PRKCE: variants seen among roughly 807,000 people sequenced by gnomAD.
PRKCE encodes protein kinase C epsilon type.
A neutral mutation model predicts 85.4 loss-of-function variants in PRKCE; 16 were observed. The observed-to-expected ratio is 0.19, with a 90% CI of 0.13 to 0.28. The LOEUF is 0.28. Ranked by LOEUF, PRKCE falls within the 10% of genes least tolerant of loss-of-function variation. PRKCE has a pLI of 1.00. For missense variants in PRKCE, 573 were observed against 975.2 expected (o/e 0.59, Z 5.49); for synonymous variants, 388 against 371.5 (o/e 1.04, Z -0.51).
chr2:45,973,548 C>G, intron 2 of PRKCE, among the ~76,000 whole-genome samples: 1 of 152,198 alleles, frequency 6.6e-6, no homozygotes, highest in East Asian at 1.9e-4. Context: ...GGAAGTTGAA[C>G]TTAGAACTCT....
chr2:45,652,165 C>A lies in PRKCE; in HGVS notation c.65C>A (p.Ala22Asp). The part of the protein sequence containing the change: ...ICEAVSLKPT[A>D]WSLRHAVGPR... Reference sequence around the variant, plus strand: ...GAGGCCGTGAGCTTGAAGCCCACAGCCTGGTCGCTGCGCCATGCGGTGGGA... The same window carrying A: ...GAGGCCGTGAGCTTGAAGCCCACAGACTGGTCGCTGCGCCATGCGGTGGGA... The change falls in exon 1 of 15, where the codon GCC becomes GAC. Residue 22 changes from alanine to aspartate, a missense_variant. Ala to Asp is a moderately radical substitution (Grantham distance 126). Around this residue, in one of 11 missense-constraint regions of PRKCE, gnomAD observed 100 missense variants for 177.1 expected, o/e 0.56. Transcript: ENST00000306156. The surrounding 1 kb of genome is among the most constrained non-coding windows in gnomAD (Gnocchi z 7.7). 1 of 1,611,770 alleles carries A rather than the reference C, an allele frequency of 6.2e-7. No individual in the cohort carries two copies.
At chr2:45,891,867 A>C (rs142536259) in intron 2 of PRKCE, among the ~76,000 whole-genome samples, 4 of 152,198 alleles carry the variant, frequency 2.6e-5, no homozygotes, top group African/African-American at 9.7e-5. Context: ...CCTCACTGTC[A>C]GGTGCCTCAG....
At chr2:45,950,282 T>G (rs1416394470) in intron 2 of PRKCE, among the ~76,000 whole-genome samples, 2 of 152,256 alleles carry the variant, frequency 1.3e-5, no homozygotes, top group African/African-American at 4.8e-5. Context: ...AATGAATGCT[T>G]AGTTTTAACA....
chr2:46,038,064 G>A (rs1707982955), intron 10 of PRKCE, among the ~76,000 whole-genome samples: 1 of 152,168 alleles, frequency 6.6e-6, no homozygotes, highest in Non-Finnish European at 1.5e-5. Context: ...CCTCTGTCCT[G>A]TCTTGCATCT....
At chr2:45,973,636 C>A (rs1702249601) in intron 2 of PRKCE, among the ~76,000 whole-genome samples, 1 of 152,218 alleles carries the variant, frequency 6.6e-6, no homozygotes, top group Non-Finnish European at 1.5e-5. Flanking sequence ...CAACTTTAAA[C>A]AGCTTCCCTC....
At chr2:46,008,921 TAA>T (rs1392442311) in intron 9 of PRKCE, among the ~76,000 whole-genome samples, 1 of 152,198 alleles carries the variant, frequency 6.6e-6, no homozygotes, top group African/African-American at 2.4e-5. Flanking sequence ...GAGCCAGTTT[TAA>T]AGAGTCTGTA....
chr2:45,823,239 G>T (rs1011991600), intron 1 of PRKCE, among the ~76,000 whole-genome samples: 2 of 152,190 alleles, frequency 1.3e-5, no homozygotes, highest in African/African-American at 4.8e-5. Context: ...GTTTGTCCTC[G>T]AGGACCACAG....
chr2:46,091,330 C>G (rs998200490), intron 11 of PRKCE, among the ~76,000 whole-genome samples: 1 of 152,222 alleles, frequency 6.6e-6, no homozygotes, highest in African/African-American at 2.4e-5. Flanking sequence ...GAAATTCCTC[C>G]TCCTCAACAT....
chr2:46,014,288 T>C (rs1385279598), intron 10 of PRKCE, among the ~76,000 whole-genome samples: 4 of 152,140 alleles, frequency 2.6e-5, no homozygotes, highest in African/African-American at 9.7e-5. Context: ...TGTCAAAATA[T>C]AAAGTACAGA....
chr2:45,821,806 G>T (rs755186056), intron 1 of PRKCE, among the ~76,000 whole-genome samples: 2 of 152,188 alleles, frequency 1.3e-5, no homozygotes, highest in South Asian at 4.1e-4. Flanking sequence ...GAAGTGTCCC[G>T]ATGGCAGCTG....
At chr2:45,823,913 C>T (rs1015117925) in intron 1 of PRKCE, among the ~76,000 whole-genome samples, 1 of 152,220 alleles carries the variant, frequency 6.6e-6, no homozygotes, top group Admixed American at 6.5e-5. Flanking sequence ...CTGGGAGGAG[C>T]AAGGATATGG....
chr2:46,053,691 C>T (rs6736522), intron 10 of PRKCE, among the ~76,000 whole-genome samples: 91,213 of 151,980 alleles, frequency 0.6, 28,824 homozygotes, highest in African/African-American at 0.78. Context: ...TTCCTTTCAT[C>T]TTAAGGCTGA....
intron 6 of PRKCE, among the ~76,000 whole-genome samples, chr2:45,995,865 A>G (rs1379338906): frequency 2.6e-5 from 4 of 152,162 alleles, no homozygotes; most frequent in Non-Finnish European, 5.9e-5. Flanking sequence ...TTGCCTCTCC[A>G]TATAAACTTT....
At chr2:45,668,830 G>A (rs1676030134) in intron 1 of PRKCE, among the ~76,000 whole-genome samples, 1 of 152,152 alleles carries the variant, frequency 6.6e-6, no homozygotes, top group Non-Finnish European at 1.5e-5. Context: ...ACACATGTAA[G>A]TAATAGTGAT....
At chr2:46,143,294 G>A (rs114429863) in intron 11 of PRKCE, among the ~76,000 whole-genome samples, 2,172 of 152,064 alleles carry the variant, frequency 0.014, 20 homozygotes, top group Non-Finnish European at 0.021. Flanking sequence ...TGTGCTGATC[G>A]TGTGTGTCAT....
At chr2:45,701,202 T>C (rs1678612673) in intron 1 of PRKCE, among the ~76,000 whole-genome samples, 2 of 152,224 alleles carry the variant, frequency 1.3e-5, no homozygotes, top group South Asian at 4.1e-4. Flanking sequence ...CAATGAACAG[T>C]ATCTACTCTT....
At position 45,984,000 on chromosome 2, in the gene PRKCE, T is replaced by A. The variant is rs534024366; in HGVS notation, c.694-551T>A. On this transcript the variant is annotated intron_variant, in intron 5 of 14. Transcript: ENST00000306156. ...TCACCCAGGCTAGGGTGCAGTGGGATGATCTTGGCTCACTGCAACCTCTGC... is the reference window on the plus strand; with the variant it reads ...TCACCCAGGCTAGGGTGCAGTGGGAAGATCTTGGCTCACTGCAACCTCTGC... Among the ~76,000 whole-genome samples, 51 of 148,930 alleles carry A rather than the reference T, an allele frequency of 3.4e-4. 2 individuals are homozygous for A. In the South Asian group the frequency reaches 0.011, roughly 31 times the overall value.
At chr2:46,045,851 C>A (rs982738639) in intron 10 of PRKCE, among the ~76,000 whole-genome samples, 1 of 152,032 alleles carries the variant, frequency 6.6e-6, no homozygotes, top group Non-Finnish European at 1.5e-5. Context: ...CACTGCACTC[C>A]AGCCCAGAGC....
At chr2:45,925,333 G>A (rs376445818) in intron 2 of PRKCE, among the ~76,000 whole-genome samples, 5 of 151,610 alleles carry the variant, frequency 3.3e-5, no homozygotes, top group African/African-American at 9.7e-5. Context: ...GTTTGCTCTT[G>A]TCACCCAGGA....
Sources: gnomAD v4.1 joint callset for allele counts (sites outside exome capture counted in the v4.1 genomes callset) on GRCh38, gnomAD v4.1.1 for gene constraint, gnomAD v4.1.1 regional missense constraint, Gnocchi (gnomAD v3.1) non-coding constraint, MANE v1.5 for transcripts, NCBI Gene and HGNC (gene_info 2026-07-23, HGNC 2026-07-21) for gene names.